TNRC6B: variants seen among roughly 807,000 people sequenced by gnomAD.
The protein encoded by TNRC6B is trinucleotide repeat containing adaptor 6B.
TNRC6B carries 52 observed loss-of-function variants against 203.6 expected under a neutral mutation model. The observed-to-expected ratio is 0.26, with a 90% confidence interval of 0.20 to 0.32. The LOEUF is 0.32. Ranked by LOEUF, TNRC6B falls within the 10% of genes least tolerant of loss-of-function variation. The pLI is 1.00. For missense variants in TNRC6B, 1,923 were observed against 2,286.2 expected (o/e 0.84, Z 3.24); for synonymous variants, 838 against 845.7 (o/e 0.99, Z 0.16).
chr22:40,149,782 T>C (rs2068731778), intron 3 of TNRC6B, among the ~76,000 whole-genome samples: 1 of 121,098 alleles, frequency 8.3e-6, no homozygotes, highest in South Asian at 3.0e-4. Flanking sequence ...TGTGTATGTA[T>C]GTGTCAAAAC....
intron 3 of TNRC6B, among the ~76,000 whole-genome samples, chr22:40,260,206 T>TG (rs2070356764): frequency 6.6e-6 from 1 of 152,210 alleles, no homozygotes; most frequent in South Asian, 2.1e-4. Context: ...AAACACTTTT[T>TG]TTTTTTTTTA....
rs1357919862 is a variant in TNRC6B at position 40,261,815 on chromosome 22, C to A, written c.116-17C>A. On this transcript the variant is annotated splice_polypyrimidine_tract_variant and intron_variant, in intron 3 of 22. Transcript: ENST00000454349. ...TTGATGTATTTCAAAGACTGTTTCC[C>A]AACCCCTCTCTTTTAGTGCCCGAAG... The A allele has an allele frequency of 6.6e-7, 1 of 1,515,536 alleles. No individual in the cohort carries two copies. The highest frequency in any genetic ancestry group is 1.3e-5 in the South Asian group (1 of 79,542). The allele number at this position is 1,515,536 out of a possible 1,614,324, so 93.9% of individuals were successfully genotyped here.
intron 1 of TNRC6B, among the ~76,000 whole-genome samples, chr22:40,202,231 A>G (rs2069421437): frequency 8.3e-6 from 1 of 120,362 alleles, no homozygotes; most frequent in African/African-American, 4.4e-5. Flanking sequence ...TAAAACCTCT[A>G]AATGTGTATG....
At chr22:40,045,216 G>A (rs1301622903) in intron 1 of TNRC6B, among the ~76,000 whole-genome samples, 2 of 145,014 alleles carry the variant, frequency 1.4e-5, no homozygotes, top group African/African-American at 2.5e-5. Flanking sequence ...GGCTGGTGCG[G>A]CCGGCGGCGC....
chr22:40,122,669 C>T (rs946903838), intron 2 of TNRC6B, among the ~76,000 whole-genome samples: 5 of 152,032 alleles, frequency 3.3e-5, no homozygotes, highest in South Asian at 2.1e-4. Flanking sequence ...AACTCAGGAG[C>T]CAGGAAGAAG....
At chr22:40,177,207 G>C (rs933208850), upstream of TNRC6B, among the ~76,000 whole-genome samples, 11 of 152,192 alleles carry the variant, frequency 7.2e-5, no homozygotes, top group African/African-American at 2.7e-4. Flanking sequence ...CTGCGGTGGG[G>C]GAGGGGATTA....
chr22:40,270,414 G>T, intron 6 of TNRC6B, 134 bp downstream of exon 6: 1 of 899,308 alleles, frequency 1.1e-6, no homozygotes, highest in Non-Finnish European at 1.5e-6. Flanking sequence ...CTGCTTTCCA[G>T]CTTCAAGCGA....
At chr22:40,222,697 G>T (rs2069726565) in intron 1 of TNRC6B, among the ~76,000 whole-genome samples, 1 of 129,010 alleles carries the variant, frequency 7.8e-6, no homozygotes, top group Admixed American at 8.3e-5. Context: ...TTCCCCCATT[G>T]GTAACATCTT....
chr22:40,133,411 G>T (rs6001794), intron 3 of TNRC6B, among the ~76,000 whole-genome samples: 34,276 of 151,926 alleles, frequency 0.23, 4,203 homozygotes, highest in Admixed American at 0.33. Context: ...CATGCAAAGT[G>T]ATTTATGTAA....
chr22:40,188,613 T>C (rs1375414998), intron 1 of TNRC6B, among the ~76,000 whole-genome samples: 2 of 152,180 alleles, frequency 1.3e-5, no homozygotes, highest in Non-Finnish European at 2.9e-5. Flanking sequence ...TGCTGCCTCT[T>C]CTTGCCGTTG....
chr22:40,138,463 G>T (rs1317590784), intron 3 of TNRC6B, among the ~76,000 whole-genome samples: 1 of 151,978 alleles, frequency 6.6e-6, no homozygotes, highest in East Asian at 1.9e-4. Flanking sequence ...ACGGGGTTTC[G>T]CTATGTTGGC....
At chr22:40,160,142 A>G (rs926532042) in intron 4 of TNRC6B, among the ~76,000 whole-genome samples, 2 of 152,016 alleles carry the variant, frequency 1.3e-5, no homozygotes, top group African/African-American at 4.8e-5. Flanking sequence ...ACGTCTGTCA[A>G]ACATTCTGTT....
chr22:40,317,990 AT>A (rs1268540494), intron 21 of TNRC6B, among the ~76,000 whole-genome samples: 3 of 152,252 alleles, frequency 2.0e-5, no homozygotes, highest in African/African-American at 7.2e-5. Flanking sequence ...CTGGCCTAAT[AT>A]GTTTGACATG....
At chr22:40,315,558 A>G (rs998079222) in intron 20 of TNRC6B, 51 bp downstream of exon 20, 3 of 1,565,978 alleles carry the variant, frequency 1.9e-6, no homozygotes, top group Non-Finnish European at 2.6e-6. Context: ...CAAGGGGCTT[A>G]TGTTAACACA....
At chr22:40,174,902 A>G (rs1406665431), upstream of TNRC6B, among the ~76,000 whole-genome samples, 1 of 152,192 alleles carries the variant, frequency 6.6e-6, no homozygotes, top group Non-Finnish European at 1.5e-5. Context: ...CTAATTGTTA[A>G]TATGAAAAAA....
At chr22:40,218,446 C>T (rs1197905814) in intron 1 of TNRC6B, among the ~76,000 whole-genome samples, 1 of 150,426 alleles carries the variant, frequency 6.6e-6, no homozygotes, top group Non-Finnish European at 1.5e-5. Context: ...CCTACCTCAG[C>T]CTCTTGAGTA....
At chr22:40,230,280 TTC>T (rs1569030240) in intron 1 of TNRC6B, among the ~76,000 whole-genome samples, 1 of 145,552 alleles carries the variant, frequency 6.9e-6, no homozygotes, top group South Asian at 2.2e-4. Flanking sequence ...TTTGCCCATC[TTC>T]TTTTTTTTTT....
upstream of TNRC6B, among the ~76,000 whole-genome samples, chr22:40,174,609 C>T (rs747101576): frequency 1.3e-5 from 2 of 151,914 alleles, no homozygotes; most frequent in South Asian, 2.1e-4. Flanking sequence ...TGGCTGAGGC[C>T]GGCAGATCAC....
chr22:40,211,094 T>G (rs899502629), intron 1 of TNRC6B, among the ~76,000 whole-genome samples: 1 of 127,920 alleles, frequency 7.8e-6, no homozygotes, highest in African/African-American at 3.5e-5. Context: ...CCTGAATATC[T>G]TAGTGAGATT....
Sources: gnomAD v4.1 joint callset for allele counts (sites outside exome capture counted in the v4.1 genomes callset) on GRCh38, gnomAD v4.1.1 for gene constraint, MANE v1.5 for transcripts, NCBI Gene and HGNC (gene_info 2026-07-23, HGNC 2026-07-21) for gene names.